HOMER1: variants seen among roughly 807,000 people sequenced by gnomAD.
HOMER1 encodes the protein homer scaffold protein 1.
A neutral mutation model predicts 48.9 loss-of-function variants in HOMER1; 3 were observed. The ratio of observed to expected loss-of-function variants is 0.06; its 90% CI spans 0.03 to 0.16. The LOEUF is 0.16. Among genes scored for constraint, HOMER1 ranks in the 10% least tolerant of loss-of-function variants. The pLI, the probability that HOMER1 is intolerant of heterozygous loss-of-function variation, is 1.00. For synonymous variants in HOMER1, 134 were observed against 146.4 expected (o/e 0.92, Z 0.61); for missense variants, 247 against 411.4 (o/e 0.60, Z 3.46).
chr5:79,388,564 TCAAATAAGCATTTAAAAACA>T, intron 8 of HOMER1, among the ~76,000 whole-genome samples: 1 of 152,216 alleles, frequency 6.6e-6, no homozygotes, highest in African/African-American at 2.4e-5. Flanking sequence ...CTAAATATTC[TCAAATAAGCATTTAAAAACA>T]AGTTTGAATT....
intron 8 of HOMER1, among the ~76,000 whole-genome samples, chr5:79,392,775 A>T (rs190033306): frequency 8.7e-4 from 133 of 152,242 alleles, no homozygotes; most frequent in Non-Finnish European, 1.1e-3. Context: ...AGTTCCATTC[A>T]TGATAAGTGT....
intron 1 of HOMER1, among the ~76,000 whole-genome samples, chr5:79,463,283 C>T (rs991185593): frequency 1.3e-5 from 2 of 152,132 alleles, no homozygotes; most frequent in Non-Finnish European, 2.9e-5. Flanking sequence ...GAAACAATTC[C>T]AAGAAATAAC....
intron 5 of HOMER1, among the ~76,000 whole-genome samples, chr5:79,417,783 A>C (rs572001253): frequency 1.3e-5 from 2 of 152,326 alleles, no homozygotes; most frequent in East Asian, 3.9e-4. Context: ...AGGTCACTTA[A>C]GGAAAATTCA....
chr5:79,408,498 G>A (rs889160840), intron 5 of HOMER1, among the ~76,000 whole-genome samples: 3 of 152,064 alleles, frequency 2.0e-5, no homozygotes, highest in Non-Finnish European at 4.4e-5. Context: ...AGGTCCAAAG[G>A]TATGATAATA....
chr5:79,380,981 G>A (rs925424489), intron 8 of HOMER1, among the ~76,000 whole-genome samples: 20 of 152,060 alleles, frequency 1.3e-4, no homozygotes, highest in Admixed American at 3.3e-4. Context: ...CCCAGGGGTC[G>A]GAGAACCCAC....
At chr5:79,447,194 G>T in intron 3 of HOMER1, 49 bp from the exon 4 acceptor site, 1 of 1,139,942 alleles carries the variant, frequency 8.8e-7, no homozygotes. Flanking sequence ...ATAGGTCACA[G>T]TGCCCACTTT....
At chr5:79,405,950 G>A (rs190378841) in intron 5 of HOMER1, among the ~76,000 whole-genome samples, 10 of 152,072 alleles carry the variant, frequency 6.6e-5, no homozygotes, top group East Asian at 5.8e-4. Flanking sequence ...ATGCATATAC[G>A]GTAACAGGGA....
intron 6 of HOMER1, 114 bp from the exon 7 acceptor site, chr5:79,397,751 A>G: frequency 1.9e-6 from 1 of 525,136 alleles, no homozygotes; most frequent in Non-Finnish European, 3.3e-6. Flanking sequence ...TATAAAAATT[A>G]ATTTTGAGAA....
At chr5:79,442,542 T>G (rs759186485) in intron 4 of HOMER1, among the ~76,000 whole-genome samples, 1 of 152,220 alleles carries the variant, frequency 6.6e-6, no homozygotes, top group Non-Finnish European at 1.5e-5. Flanking sequence ...AGCACTGCCA[T>G]GACCCACTAT....
chr5:79,512,258 C>A (rs1265435662), intron 1 of HOMER1, among the ~76,000 whole-genome samples: 1 of 152,176 alleles, frequency 6.6e-6, no homozygotes, highest in Non-Finnish European at 1.5e-5. Context: ...CCCAGTAAAT[C>A]AATTCTATAC....
intron 5 of HOMER1, among the ~76,000 whole-genome samples, chr5:79,427,656 CTTCCTTCCT>C (rs1264029745): frequency 2.7e-4 from 30 of 110,612 alleles, no homozygotes; most frequent in Non-Finnish European, 4.3e-4. Flanking sequence ...TCCTACCTTC[CTTCCTTCCT>C]TTCCTTCCCT....
At chr5:79,397,970 C>T (rs1417419488) in intron 6 of HOMER1, 1 of 163,404 alleles carries the variant, frequency 6.1e-6, no homozygotes, top group Non-Finnish European at 1.3e-5. Context: ...ACCATCTGTC[C>T]TTCATCTGTA....
At position 79,480,513 on chromosome 5, in the gene HOMER1, C is replaced by T. The variant is rs573120956; in HGVS notation, c.6-23495G>A. Among the ~76,000 whole-genome samples, 6 of 152,274 alleles carry T rather than the reference C, an allele frequency of 3.9e-5. No homozygotes were observed. In the South Asian group the frequency reaches 1.2e-3, roughly 32 times the overall value. ...CTAAACTTAAATTTCTTCTTTGCTT[C>T]TGAATAACTCAATGACCAACTCAAA... On this transcript the variant is annotated intron_variant, in intron 1 of 8. Transcript: ENST00000334082.
chr5:79,406,184 T>C (rs538304686), intron 5 of HOMER1, among the ~76,000 whole-genome samples: 68 of 152,356 alleles, frequency 4.5e-4, no homozygotes, highest in Non-Finnish European at 7.9e-4. Context: ...AGTAGGTTAC[T>C]AGATTCTTCA....
chr5:79,460,433 T>C (rs1751288670), intron 1 of HOMER1, among the ~76,000 whole-genome samples: 1 of 152,130 alleles, frequency 6.6e-6, no homozygotes, highest in African/African-American at 2.4e-5. Context: ...CTCATATACA[T>C]GCACAAAATT....
chr5:79,449,448 C>CCAAAAT (rs1750973896), intron 3 of HOMER1, among the ~76,000 whole-genome samples: 1 of 138,076 alleles, frequency 7.2e-6, no homozygotes, highest in Admixed American at 7.5e-5. Flanking sequence ...AAGATGTGTA[C>CCAAAAT]AAGAGAAACC....
intron 1 of HOMER1, 62 bp downstream of exon 1, chr5:79,512,708 A>C (rs1752975371): frequency 6.6e-7 from 1 of 1,505,492 alleles, no homozygotes; most frequent in African/African-American, 1.4e-5. Flanking sequence ...AATCACCACC[A>C]CCGCTCAATA....
chr5:79,455,678 C>T (rs1751155821), intron 2 of HOMER1, among the ~76,000 whole-genome samples: 1 of 152,202 alleles, frequency 6.6e-6, no homozygotes, highest in Non-Finnish European at 1.5e-5. Flanking sequence ...CAGTCTGGCT[C>T]TACAGTGTGT....
intron 8 of HOMER1, among the ~76,000 whole-genome samples, chr5:79,394,683 T>C (rs1749335951): frequency 6.6e-6 from 1 of 152,132 alleles, no homozygotes; most frequent in Non-Finnish European, 1.5e-5. Flanking sequence ...GAGGCTCAAG[T>C]GATCCAAGCA....
Sources: gnomAD v4.1 joint callset for allele counts (sites outside exome capture counted in the v4.1 genomes callset) on GRCh38, gnomAD v4.1.1 for gene constraint, MANE v1.5 for transcripts, NCBI Gene and HGNC (gene_info 2026-07-23, HGNC 2026-07-21) for gene names.